CCNB1IP1: variants seen among roughly 807,000 people sequenced by gnomAD.
The protein encoded by CCNB1IP1 is cyclin B1 interacting protein 1.
Under a neutral mutation model 25.6 loss-of-function variants are expected in CCNB1IP1, and 14 were observed. The observed-to-expected ratio is 0.55, with a 90% CI of 0.36 to 0.85. CCNB1IP1 has a LOEUF of 0.85. Ranked by LOEUF, CCNB1IP1 falls within the 40% of genes least tolerant of loss-of-function variation. The probability of loss-of-function intolerance (pLI) is 0.01; values close to 1 mark genes in which losing one functional copy is unlikely to be tolerated. For synonymous variants in CCNB1IP1, 119 were observed against 116.1 expected, an observed-to-expected ratio of 1.02 and a Z score of -0.16; for missense variants, 278 against 342.4, an observed-to-expected ratio of 0.81 and a Z score of 1.48.
chr14:20,316,295 A>G lies in CCNB1IP1; in HGVS notation c.229T>C (p.Leu77=), dbSNP rs1005289133. The G allele has an allele frequency of 2.5e-6, 4 of 1,613,896 alleles. No individual in the cohort carries two copies. The highest frequency in any genetic ancestry group is 2.7e-5 in the African/African-American group (2 of 74,918). The change falls in exon 5 of 7, where the codon TTG becomes CTG. Residue 77 remains leucine (L), a synonymous_variant. Transcript: ENST00000358932. ...SPSEEYKAMV[L]AGLRPEIVLD... ...ACGATCTCTGGTCGCAGTCCTGCCA[A>G]TACCATAGCTTTATATTCCTCTGAT...
chr14:20,331,596 T>A lies in CCNB1IP1; in HGVS notation c.-431+1658A>T, dbSNP rs184046534. ...AGGTTATTCATTTGAGGGGGAAATA[T>A]CAAGATCATAAACTATCTGAATACC... is the stretch of plus-strand genomic sequence containing the variant. On this transcript the variant is annotated intron_variant, in intron 1 of 6. Transcript: ENST00000358932. 1.5e-4 allele frequency among the ~76,000 whole-genome samples: 23 copies of A among 152,174 alleles called. No homozygotes were observed. The East Asian group carries it at 4.2e-3, about 28-fold the overall frequency.
intron 1 of CCNB1IP1, among the ~76,000 whole-genome samples, chr14:20,332,551 G>A (rs1883284236): frequency 6.6e-6 from 1 of 152,136 alleles, no homozygotes; most frequent in African/African-American, 2.4e-5. Context: ...CCTCGGAATG[G>A]CTCACTGCTT....
In CCNB1IP1 at chr14:20,311,670, A is replaced by C. The variant is rs753586297; in HGVS notation, c.714T>G (p.Phe238Leu). The C allele has an allele frequency of 2.2e-5, 35 of 1,614,176 alleles. No homozygotes were observed. The highest frequency in any genetic ancestry group is 2.9e-5 in the Non-Finnish European group (34 of 1,180,028). ...CAGGTGCTGTGGGAGAACCCGCAAA[A>C]AATGGTCTGAACTGAAAATCTCCAT... is the stretch of plus-strand genomic sequence containing the variant. ...DGDGDFQFRPFFAGSPTAPEP... is the reference protein window; with the variant it reads ...DGDGDFQFRPLFAGSPTAPEP... Residue 238 changes from phenylalanine (F) to leucine (L), a missense_variant, in exon 7 of 7, where the codon TTT (phenylalanine) becomes TTG (leucine). Physicochemically the swap from Phe to Leu is conservative, Grantham distance 22 (BLOSUM62 0). Transcript: ENST00000358932.
intron 1 of CCNB1IP1, among the ~76,000 whole-genome samples, chr14:20,332,022 ATATATTTTTTTTTT>A (rs1480262576): frequency 1.9e-3 from 97 of 51,180 alleles, no homozygotes; most frequent in African/African-American, 8.3e-3. Flanking sequence ...ATATATATAT[ATATATTTTTTTTTT>A]TTTTTTTTTT....
At chr14:20,313,354 C>G in intron 6 of CCNB1IP1, 114 bp downstream of exon 6, 1 of 771,186 alleles carries the variant, frequency 1.3e-6, no homozygotes. Flanking sequence ...GAGCCTACCA[C>G]AACTCAATGC....
At chr14:20,313,900 AG>A (rs1882590060) in intron 5 of CCNB1IP1, 99 bp from the exon 6 acceptor site, 1 of 871,100 alleles carries the variant, frequency 1.1e-6, no homozygotes, top group East Asian at 2.7e-5. Flanking sequence ...ATGCTTATAT[AG>A]GGATGTTATT....
intron 6 of CCNB1IP1, among the ~76,000 whole-genome samples, chr14:20,312,258 G>A (rs1882519040): frequency 6.6e-6 from 1 of 152,094 alleles, no homozygotes; most frequent in South Asian, 2.1e-4. Flanking sequence ...TATCTATAAT[G>A]CCCATTTACA....
chr14:20,332,026 A>ATATATATATATATATATTT (rs59034398), intron 1 of CCNB1IP1, among the ~76,000 whole-genome samples: 1 of 40,750 alleles, frequency 2.5e-5, no homozygotes, highest in Non-Finnish European at 4.4e-5. Context: ...ATATATATAT[A>ATATATATATATATATATTT]TTTTTTTTTT....
At chr14:20,328,768 A>G (rs563558486) in intron 2 of CCNB1IP1, among the ~76,000 whole-genome samples, 73 of 152,320 alleles carry the variant, frequency 4.8e-4, no homozygotes, top group African/African-American at 1.6e-3. Flanking sequence ...GATGTTAAAT[A>G]TGTGATACCT....
At chr14:20,327,642 T>C (rs1050692359) in intron 2 of CCNB1IP1, among the ~76,000 whole-genome samples, 1 of 151,700 alleles carries the variant, frequency 6.6e-6, no homozygotes, top group Admixed American at 6.6e-5. Flanking sequence ...CTTGTAATGA[T>C]CATCTAAAAC....
At chr14:20,322,866 G>A (rs574108629) in intron 4 of CCNB1IP1, among the ~76,000 whole-genome samples, 10 of 151,944 alleles carry the variant, frequency 6.6e-5, no homozygotes, top group African/African-American at 1.9e-4. Flanking sequence ...CAGGTGATCC[G>A]CCCACCTCAG....
intron 3 of CCNB1IP1, 71 bp from the exon 4 acceptor site, chr14:20,325,724 G>A (rs1281142997): frequency 6.6e-6 from 1 of 152,068 alleles, no homozygotes; most frequent in Non-Finnish European, 1.5e-5. Flanking sequence ...TGTATTTCCT[G>A]TATTTCACCC....
At chr14:20,321,737 C>A (rs1365624544) in intron 4 of CCNB1IP1, among the ~76,000 whole-genome samples, 3 of 152,160 alleles carry the variant, frequency 2.0e-5, no homozygotes, top group African/African-American at 7.2e-5. Flanking sequence ...TCGGCGTGAT[C>A]AAGAATCTTA....
At chr14:20,312,616 G>A (rs1278520496) in intron 6 of CCNB1IP1, among the ~76,000 whole-genome samples, 3 of 151,704 alleles carry the variant, frequency 2.0e-5, no homozygotes, top group Non-Finnish European at 2.9e-5. Context: ...TCACTTTTTT[G>A]TATGCCAAAA....
chr14:20,320,287 C>A (rs1311125789), intron 4 of CCNB1IP1: 3 of 455,488 alleles, frequency 6.6e-6, no homozygotes, highest in Non-Finnish European at 1.3e-5. Flanking sequence ...GAATAACTTA[C>A]AATAAGAGTT....
intron 2 of CCNB1IP1, among the ~76,000 whole-genome samples, chr14:20,327,591 A>T (rs957262418): frequency 6.7e-6 from 1 of 150,060 alleles, no homozygotes; most frequent in Non-Finnish European, 1.5e-5. Context: ...ACTATTCCCT[A>T]CTCTTCACCT....
At chr14:20,324,668 T>C (rs1883008966) in intron 4 of CCNB1IP1, among the ~76,000 whole-genome samples, 1 of 152,170 alleles carries the variant, frequency 6.6e-6, no homozygotes, top group Admixed American at 6.6e-5. Context: ...CTGAGTCAAA[T>C]ACTATTGCCA....
chr14:20,322,430 A>G (rs1882923434), intron 4 of CCNB1IP1, among the ~76,000 whole-genome samples: 1 of 152,048 alleles, frequency 6.6e-6, no homozygotes, highest in Non-Finnish European at 1.5e-5. Flanking sequence ...GCTTTCATGG[A>G]GTTTACAATC....
At chr14:20,315,853 G>T in intron 5 of CCNB1IP1, 2 of 826,480 alleles carry the variant, frequency 2.4e-6, no homozygotes, top group East Asian at 6.3e-5. Flanking sequence ...AGACTAGCCT[G>T]GGCAACACAA....
Sources: allele counts gnomAD v4.1 joint callset (sites outside exome capture counted in the v4.1 genomes callset), GRCh38; gene constraint gnomAD v4.1.1; transcripts MANE v1.5; gene names NCBI Gene and HGNC (gene_info 2026-07-23, HGNC 2026-07-21).